TENM3: variants seen among roughly 807,000 people sequenced by gnomAD.
TENM3 encodes the protein teneurin-3.
In TENM3, 63 loss-of-function variants were observed where a neutral mutation model predicts 255.1. The ratio of observed to expected loss-of-function variants is 0.25; its 90% CI spans 0.20 to 0.30. The LOEUF (loss-of-function observed/expected upper bound fraction) is 0.30, where lower values mean the gene tolerates loss of function less well. Among genes scored for constraint, TENM3 ranks in the 10% least tolerant of loss-of-function variants. The pLI is 1.00. For missense variants in TENM3, 2,929 were observed against 3,461.1 expected, an observed-to-expected ratio of 0.85 and a Z score of 3.86; for synonymous variants, 1,306 against 1,322.3, an observed-to-expected ratio of 0.99 and a Z score of 0.27.
chr4:181,610,889 C>A, the TENM3 span, among the ~76,000 whole-genome samples: 1 of 152,154 alleles, frequency 6.6e-6, no homozygotes, highest in African/African-American at 2.4e-5. Context: ...TGCAAAACAT[C>A]TGTTCCTAAC....
the TENM3 span, among the ~76,000 whole-genome samples, chr4:181,572,456 C>G: frequency 1.3e-5 from 2 of 152,168 alleles, no homozygotes; most frequent in African/African-American, 4.8e-5. Context: ...GTTTAAGTTT[C>G]CATGTGACTG....
the TENM3 span, among the ~76,000 whole-genome samples, chr4:181,844,276 A>C: frequency 1.3e-5 from 2 of 152,278 alleles, no homozygotes; most frequent in South Asian, 4.1e-4. Context: ...GGACACATTC[A>C]AACCATAGAA....
chr4:182,621,486 G>A (rs1253566200), intron 4 of TENM3, among the ~76,000 whole-genome samples: 1 of 128,124 alleles, frequency 7.8e-6, no homozygotes, highest in Non-Finnish European at 1.6e-5. Flanking sequence ...TGGCTGGCCA[G>A]GCATGGTGGC....
chr4:182,487,744 A>G (rs1351449528), intron 3 of TENM3, among the ~76,000 whole-genome samples: 6 of 152,202 alleles, frequency 3.9e-5, no homozygotes, highest in Admixed American at 2.0e-4. Context: ...TAATCACATG[A>G]TAGATGCTTG....
At chr4:181,699,145 ACAAGGC>A in the TENM3 span, among the ~76,000 whole-genome samples, 2 of 152,142 alleles carry the variant, frequency 1.3e-5, no homozygotes, top group African/African-American at 4.8e-5. Context: ...AGAAAATACT[ACAAGGC>A]CAGGCATAGT....
At chr4:181,723,564 A>G in the TENM3 span, among the ~76,000 whole-genome samples, 2 of 151,976 alleles carry the variant, frequency 1.3e-5, no homozygotes, top group Non-Finnish European at 2.9e-5. Flanking sequence ...TTCCTTCAGG[A>G]TATTGAAAGG....
the TENM3 span, among the ~76,000 whole-genome samples, chr4:181,580,179 G>T: frequency 1.3e-5 from 2 of 151,758 alleles, no homozygotes; most frequent in African/African-American, 4.8e-5. Flanking sequence ...TGTATTTTTA[G>T]TAGAGACAGG....
intron 1 of TENM3, among the ~76,000 whole-genome samples, chr4:182,288,733 A>G (rs906260875): frequency 6.6e-6 from 1 of 152,170 alleles, no homozygotes; most frequent in African/African-American, 2.4e-5. Context: ...AGGAACTGAA[A>G]TTAGCTGCTG....
chr4:182,184,409 C>T (rs541138886), intron 1 of TENM3, among the ~76,000 whole-genome samples: 2 of 151,502 alleles, frequency 1.3e-5, no homozygotes, highest in Non-Finnish European at 2.9e-5. Context: ...AAAAATTGCC[C>T]TTTCATCACA....
At chr4:182,613,425 T>A (rs72701975) in intron 4 of TENM3, among the ~76,000 whole-genome samples, 30,480 of 152,134 alleles carry the variant, frequency 0.2, 3,659 homozygotes, top group Non-Finnish European at 0.27. Flanking sequence ...TCCCAAACAA[T>A]ACTTATAATG....
chr4:182,092,579 T>A, the TENM3 span, among the ~76,000 whole-genome samples: 6 of 152,054 alleles, frequency 3.9e-5, no homozygotes, highest in Non-Finnish European at 8.8e-5. Flanking sequence ...ACCCAGCAGT[T>A]TGATGCTGCA....
chr4:181,497,506 G>T, the TENM3 span, among the ~76,000 whole-genome samples: 1 of 152,144 alleles, frequency 6.6e-6, no homozygotes, highest in Admixed American at 6.6e-5. Flanking sequence ...GTTTGTTGTG[G>T]CTGCAACCAC....
At chr4:181,964,744 C>A in the TENM3 span, among the ~76,000 whole-genome samples, 3 of 152,154 alleles carry the variant, frequency 2.0e-5, no homozygotes, top group Non-Finnish European at 4.4e-5. Flanking sequence ...GGTTATAAAA[C>A]ACGTATTTGC....
At chr4:182,214,319 G>C (rs1755289440) in intron 1 of TENM3, among the ~76,000 whole-genome samples, 1 of 152,004 alleles carries the variant, frequency 6.6e-6, no homozygotes, top group African/African-American at 2.4e-5. Flanking sequence ...TAACATAACT[G>C]ACTGATTTTG....
At chr4:181,670,835 GA>G in the TENM3 span, among the ~76,000 whole-genome samples, 1 of 152,112 alleles carries the variant, frequency 6.6e-6, no homozygotes. Flanking sequence ...GTGTTTATTT[GA>G]AATATTTTAT....
chr4:181,530,558 T>C, the TENM3 span, among the ~76,000 whole-genome samples: 1 of 152,198 alleles, frequency 6.6e-6, no homozygotes, highest in Non-Finnish European at 1.5e-5. Context: ...CAAAGCATTT[T>C]TCCCCCCATT....
At chr4:182,453,774 C>A (rs1006331191) in intron 3 of TENM3, among the ~76,000 whole-genome samples, 2 of 152,024 alleles carry the variant, frequency 1.3e-5, no homozygotes, top group African/African-American at 4.8e-5. Context: ...TATGCCTTTT[C>A]TTTTAAATAA....
chr4:182,131,304 C>T, the TENM3 span, among the ~76,000 whole-genome samples: 2 of 152,092 alleles, frequency 1.3e-5, no homozygotes, highest in South Asian at 2.1e-4. Context: ...CAGCAAAATA[C>T]GTTTCGCCAC....
At chr4:182,765,222 A>C (rs1476252537) in intron 22 of TENM3, among the ~76,000 whole-genome samples, 2 of 152,228 alleles carry the variant, frequency 1.3e-5, no homozygotes, top group African/African-American at 4.8e-5. Flanking sequence ...ATAAGTGTGA[A>C]TAAAATCATA....
Sources: gnomAD v4.1 joint callset for allele counts (sites outside exome capture counted in the v4.1 genomes callset) on GRCh38, gnomAD v4.1.1 for gene constraint, MANE v1.5 for transcripts, NCBI Gene and HGNC (gene_info 2026-07-23, HGNC 2026-07-21) for gene names.